Variants in RHEB observed in about 807,000 individuals in gnomAD.
RHEB encodes Ras homolog, mTORC1 binding.
In RHEB, 2 loss-of-function variants were observed where a neutral mutation model predicts 28.8. The ratio of observed to expected loss-of-function variants is 0.07; its 90% confidence interval spans 0.03 to 0.22. RHEB has a LOEUF of 0.22. RHEB is among the 10% of genes least tolerant of loss of function. The pLI is 1.00. For synonymous variants in RHEB, 69 were observed against 77.3 expected, an observed-to-expected ratio of 0.89 and a Z score of 0.56; for missense variants, 76 against 219.9, an observed-to-expected ratio of 0.35 and a Z score of 4.14.
intron 1 of RHEB, among the ~76,000 whole-genome samples, chr7:151,505,921 T>C (rs905500984): frequency 5.3e-5 from 8 of 151,738 alleles, no homozygotes; most frequent in African/African-American, 2.0e-4. Flanking sequence ...GTATGTGAAA[T>C]TTTAGGGTAA....
intron 6 of RHEB, 137 bp downstream of exon 6, chr7:151,471,257 T>C: frequency 1.6e-6 from 1 of 626,798 alleles, no homozygotes; most frequent in Non-Finnish European, 2.8e-6. Context: ...CACTTTTGCT[T>C]CTGCTGCACA....
chr7:151,484,832 A>T, intron 2 of RHEB, 28 bp from the exon 3 acceptor site: 1 of 1,531,936 alleles, frequency 6.5e-7, no homozygotes. Context: ...ATTAAACATT[A>T]GTTTAAAAAA....
chr7:151,474,523 A>G (rs1802230623), intron 4 of RHEB, among the ~76,000 whole-genome samples: 1 of 150,844 alleles, frequency 6.6e-6, no homozygotes, highest in Admixed American at 6.6e-5. Context: ...TGCCTCAGAT[A>G]GGAGAGATCT....
intron 3 of RHEB, among the ~76,000 whole-genome samples, chr7:151,479,639 C>T (rs1802345173): frequency 2.0e-5 from 3 of 148,494 alleles, no homozygotes; most frequent in South Asian, 4.2e-4. Flanking sequence ...GCCGAGATCG[C>T]GCCACAGCAC....
intron 1 of RHEB, among the ~76,000 whole-genome samples, chr7:151,511,915 T>C (rs1260157313): frequency 6.6e-6 from 1 of 152,334 alleles, no homozygotes; most frequent in African/African-American, 2.4e-5. Context: ...CCTCCCAAAG[T>C]GCTGGAATTA....
intron 1 of RHEB, among the ~76,000 whole-genome samples, chr7:151,506,263 T>C (rs1284509402): frequency 1.3e-5 from 2 of 151,808 alleles, no homozygotes; most frequent in African/African-American, 2.4e-5. Flanking sequence ...CATAGCTCAC[T>C]GTATTCAAAC....
chr7:151,501,059 C>T (rs761763083), intron 1 of RHEB, among the ~76,000 whole-genome samples: 1 of 152,136 alleles, frequency 6.6e-6, no homozygotes, highest in Non-Finnish European at 1.5e-5. Context: ...AAAATCTTTG[C>T]AACCTGGAGT....
chr7:151,483,544 C>T (rs535866352), intron 3 of RHEB, among the ~76,000 whole-genome samples: 3 of 152,174 alleles, frequency 2.0e-5, no homozygotes, highest in Non-Finnish European at 4.4e-5. Context: ...TATGGCGAAA[C>T]CCCGCCTCTA....
rs544874267 is a variant in RHEB at position 151,508,484 on chromosome 7, G to A, written c.52+10976C>T. On this transcript the variant is annotated intron_variant, in intron 1 of 7. Transcript: ENST00000262187. The stretch of plus-strand genomic sequence containing the variant: ...CTGAGATGTGTCACAGTGTAAGTAT[G>A]ACAAATGTACAAATATCAACAATAT... Among the ~76,000 whole-genome samples the A allele has an allele frequency of 3.3e-5, 5 of 152,262 alleles. No homozygotes were observed. In the South Asian group the frequency reaches 1.0e-3, roughly 32 times the overall value.
chr7:151,516,181 GGTGACGTGTCC>G (rs1237479705), intron 1 of RHEB, among the ~76,000 whole-genome samples: 3 of 152,168 alleles, frequency 2.0e-5, no homozygotes. Flanking sequence ...CAGAGTTATA[GGTGACGTGTCC>G]TTAAAAGCTT....
At chr7:151,502,353 G>A (rs1027784789) in intron 1 of RHEB, 2 of 833,346 alleles carry the variant, frequency 2.4e-6, no homozygotes, top group Non-Finnish European at 2.1e-6. Context: ...GATGAGTTTG[G>A]AACTGCATCT....
At chr7:151,517,640 G>A (rs1053681196) in intron 1 of RHEB, among the ~76,000 whole-genome samples, 1 of 149,924 alleles carries the variant, frequency 6.7e-6, no homozygotes, top group Admixed American at 6.7e-5. Flanking sequence ...CTGAATAGAG[G>A]GAAGATAAAA....
chr7:151,491,070 A>C lies in RHEB; in HGVS notation c.53-56T>G, dbSNP rs775609838. On this transcript the variant is annotated intron_variant, in intron 1 of 7. Coordinates refer to ENST00000262187, the MANE Select transcript of RHEB (RefSeq NM_005614.4). The stretch of plus-strand genomic sequence containing the variant: ...TTGGCATATGAAGGTAAAAATTTTT[A>C]ATTTTGCTGTTTTATTAAAAAACCA... The C allele has an allele frequency of 1.5e-5, 19 of 1,305,272 alleles. No homozygotes were observed. The East Asian group carries it at 2.6e-4, about 18-fold the overall frequency. The allele number at this position is 1,305,272 out of a possible 1,614,324, so 80.9% of individuals were successfully genotyped here.
rs184118030 is a variant in RHEB, at chr7:151,492,703, C to T, written c.53-1689G>A. Among the ~76,000 whole-genome samples the T allele has an allele frequency of 2.7e-4, 41 of 152,058 alleles. 1 individual carries two copies. The East Asian group carries it at 7.5e-3, about 28-fold the overall frequency. ...ACCTATTTACTCCTTATCCGCAGCC[C>T]AATACAGTTCAAAATGTCTCTAGAA... On this transcript the variant is annotated intron_variant, in intron 1 of 7. Transcript: ENST00000262187.
chr7:151,485,118 A>C (rs1802445906), intron 2 of RHEB, among the ~76,000 whole-genome samples: 1 of 152,230 alleles, frequency 6.6e-6, no homozygotes, highest in South Asian at 2.1e-4. Flanking sequence ...TCTTGTGAAA[A>C]AGTGAAATAT....
At chr7:151,498,762 T>C (rs970362246) in intron 1 of RHEB, among the ~76,000 whole-genome samples, 2 of 152,310 alleles carry the variant, frequency 1.3e-5, no homozygotes, top group Admixed American at 6.5e-5. Flanking sequence ...CTTAAACCTC[T>C]ACCTAGTTTC....
intron 7 of RHEB, among the ~76,000 whole-genome samples, chr7:151,469,772 A>C (rs1003837935): frequency 2.6e-5 from 4 of 152,176 alleles, no homozygotes; most frequent in Non-Finnish European, 5.9e-5. Context: ...GATGTGATGG[A>C]AAGTACAAGA....
At chr7:151,502,622 G>A in intron 1 of RHEB, 1 of 1,565,286 alleles carries the variant, frequency 6.4e-7, no homozygotes, top group Non-Finnish European at 8.8e-7. Context: ...AGCAAGTTTG[G>A]ATTCATTGTA....
At chr7:151,489,705 T>C (rs1175761935) in intron 2 of RHEB, among the ~76,000 whole-genome samples, 6 of 152,252 alleles carry the variant, frequency 3.9e-5, no homozygotes, top group Non-Finnish European at 8.8e-5. Flanking sequence ...GGAACAAGCA[T>C]GGCTGTGTAT....
Sources: allele counts gnomAD v4.1 joint callset (sites outside exome capture counted in the v4.1 genomes callset), GRCh38; gene constraint gnomAD v4.1.1; transcripts MANE v1.5; gene names NCBI Gene and HGNC (gene_info 2026-07-23, HGNC 2026-07-21).